The following SEC22A variants were observed in gnomAD, a reference collection of about 807,000 sequenced individuals.
The protein encoded by SEC22A is SEC22 homolog A, vesicle trafficking protein.
Under a neutral mutation model 35.3 loss-of-function variants are expected in SEC22A, and 22 were observed. The ratio of observed to expected loss-of-function variants is 0.62; its 90% confidence interval spans 0.45 to 0.89. The LOEUF is 0.89. SEC22A is among the 40% of genes least tolerant of loss of function. The pLI is 0.00. For missense variants in SEC22A, 354 were observed against 362.5 expected (o/e 0.98, Z 0.19); for synonymous variants, 119 against 129.5 (o/e 0.92, Z 0.55).
At position 123,274,126 on chromosome 3, in the gene SEC22A, A is replaced by G. The variant is rs1282073367; in HGVS notation, c.*2404A>G. The G allele has an allele frequency of 6.6e-6, 1 of 152,232 alleles. No individual in the cohort carries two copies. Among genetic ancestry groups the G allele is most frequent in the Non-Finnish European group, 1.5e-5 (1 of 68,040 alleles). The allele number at this position is 152,232 out of a possible 1,614,324, so 9.4% of individuals were successfully genotyped here. ...AAATGAAAACAGGTATAAATGTTTT[A>G]TGTATAGAAATGTTTTCTTTCATTA... On this transcript the variant is annotated 3_prime_UTR_variant, in exon 7 of 7. Transcript: ENST00000492595.
chr3:123,216,600 A>G (rs1238084516), intron 2 of SEC22A, among the ~76,000 whole-genome samples: 3 of 152,146 alleles, frequency 2.0e-5, no homozygotes, highest in African/African-American at 7.2e-5. Context: ...TTGGAGGGTA[A>G]TTGAAAGTTG....
In SEC22A at chr3:123,210,685, G is replaced by C. The variant is rs866828352; in HGVS notation, c.182+1286G>C. Among the ~76,000 whole-genome samples the C allele has an allele frequency of 3.3e-5, 5 of 152,174 alleles. No homozygotes were observed. In the South Asian group the frequency reaches 1.0e-3, roughly 32 times the overall value. On this transcript the variant is annotated intron_variant, in intron 2 of 6. Transcript: ENST00000492595. ...GGAAAGCTTAGACGTGAAACAATTA[G>C]AGAACAATTAATGTCTGATATCAAG... is the stretch of plus-strand genomic sequence containing the variant.
intron 5 of SEC22A, among the ~76,000 whole-genome samples, chr3:123,251,182 TAA>T (rs1419125013): frequency 6.6e-6 from 1 of 152,206 alleles, no homozygotes; most frequent in African/African-American, 2.4e-5. Context: ...CCTAGAAACT[TAA>T]AGAGATTTTT....
At chr3:123,221,127 G>A (rs1243053150) in intron 2 of SEC22A, among the ~76,000 whole-genome samples, 1 of 145,150 alleles carries the variant, frequency 6.9e-6, no homozygotes, top group Non-Finnish European at 1.5e-5. Flanking sequence ...TATGTTATTC[G>A]AGAAAGAAAA....
chr3:123,245,099 T>G (rs1937555712), intron 4 of SEC22A, among the ~76,000 whole-genome samples: 1 of 152,198 alleles, frequency 6.6e-6, no homozygotes, highest in Admixed American at 6.5e-5. Context: ...GAGTTCAGAT[T>G]GCTGATTATA....
In SEC22A at chr3:123,209,300, C is replaced by G; in HGVS notation, c.83C>G (p.Thr28Arg). The change falls in exon 2 of 7, where the codon ACA (threonine) becomes AGA (arginine). Residue 28 changes from threonine to arginine, a missense_variant. Physicochemically the swap from Thr to Arg is moderately conservative, Grantham distance 71. Coordinates refer to ENST00000492595, the MANE Select transcript of SEC22A (RefSeq NM_012430.5). Reference sequence around the variant, plus strand: ...GCTTCTACTGATTATGAACAAAGCACAGGAATGCAGGAGTGCAGAAAGTAT... The same window carrying G: ...GCTTCTACTGATTATGAACAAAGCAGAGGAATGCAGGAGTGCAGAAAGTAT... ...LSASTDYEQS[T>R]GMQECRKYFK... is the part of the protein sequence containing the mutation. The G allele has an allele frequency of 6.2e-7, 1 of 1,613,950 alleles. No individual in the cohort carries two copies. Among genetic ancestry groups the G allele is most frequent in the Non-Finnish European group, 8.5e-7 (1 of 1,179,888 alleles).
At chr3:123,225,770 G>T (rs1225912334) in intron 4 of SEC22A, among the ~76,000 whole-genome samples, 2 of 152,052 alleles carry the variant, frequency 1.3e-5, no homozygotes, top group Non-Finnish European at 2.9e-5. Flanking sequence ...CCCTATTGTG[G>T]TATCAAGTAC....
At chr3:123,267,758 CA>C (rs1938058299) in intron 6 of SEC22A, among the ~76,000 whole-genome samples, 1 of 152,126 alleles carries the variant, frequency 6.6e-6, no homozygotes, top group Non-Finnish European at 1.5e-5. Context: ...GATCTGCTAG[CA>C]GCAAATTATC....
At position 123,212,712 on chromosome 3, in the gene SEC22A, G is replaced by A. The variant is rs142049744; in HGVS notation, c.182+3313G>A. On this transcript the variant is annotated intron_variant, in intron 2 of 6. Coordinates refer to ENST00000492595, the MANE Select transcript of SEC22A (RefSeq NM_012430.5). ...GCTTATTCCACACAAAGGATTTGAG[G>A]CAATTTAGGAAAAAAAAAATTCAAG... Among the ~76,000 whole-genome samples the A allele has an allele frequency of 9.9e-4, 150 of 151,806 alleles. 1 individual carries two copies. The highest frequency in any genetic ancestry group is 1.8e-3 in the Non-Finnish European group (120 of 67,968).
At chr3:123,224,666 C>G (rs1353201976) in intron 3 of SEC22A, among the ~76,000 whole-genome samples, 1 of 152,104 alleles carries the variant, frequency 6.6e-6, no homozygotes, top group Admixed American at 6.5e-5. Flanking sequence ...TGGCTCACAC[C>G]AGTAGCCCCA....
rs761265069 is a variant in SEC22A, at chr3:123,223,614, A to C, written c.238A>C (p.Asn80His). Residue 80 changes from asparagine to histidine, a missense_variant, in exon 3 of 7, where the codon AAT (asparagine) becomes CAT (histidine). Asn to His is a moderately conservative substitution (Grantham distance 68, BLOSUM62 1). Transcript: ENST00000492595. ...GATGTTGTGCACTGAAAATTACCCA[A>C]ATGTTCTCGCCTTCTCTTTCCTGGA... ...YMMLCTENYP[N>H]VLAFSFLDEL... The C allele has an allele frequency of 2.5e-6, 4 of 1,613,526 alleles. No homozygotes were observed. Among genetic ancestry groups the C allele is most frequent in the African/African-American group, 2.7e-5 (2 of 74,876 alleles).
intron 5 of SEC22A, among the ~76,000 whole-genome samples, chr3:123,256,095 A>G (rs1937724166): frequency 6.6e-6 from 1 of 152,190 alleles, no homozygotes; most frequent in Non-Finnish European, 1.5e-5. Context: ...CCTAATAGAA[A>G]ATCTGTATTC....
At chr3:123,239,846 G>T (rs988897008) in intron 4 of SEC22A, among the ~76,000 whole-genome samples, 5 of 152,102 alleles carry the variant, frequency 3.3e-5, no homozygotes, top group Non-Finnish European at 5.9e-5. Context: ...GATCCCATTT[G>T]TCAATTTTGG....
At chr3:123,234,977 C>A (rs1163139552) in intron 4 of SEC22A, among the ~76,000 whole-genome samples, 1 of 150,890 alleles carries the variant, frequency 6.6e-6, no homozygotes, top group East Asian at 2.0e-4. Flanking sequence ...GAGCTGAGAT[C>A]GTGCCACTGC....
At chr3:123,263,925 CT>C (rs200151212) in intron 6 of SEC22A, among the ~76,000 whole-genome samples, 301 of 136,316 alleles carry the variant, frequency 2.2e-3, no homozygotes, top group Middle Eastern at 4.4e-3. Flanking sequence ...TGATTTGTTC[CT>C]TTTTTTTTTT....
At chr3:123,216,039 T>C (rs1937016229) in intron 2 of SEC22A, among the ~76,000 whole-genome samples, 1 of 152,208 alleles carries the variant, frequency 6.6e-6, no homozygotes, top group Non-Finnish European at 1.5e-5. Flanking sequence ...TATTCAATTT[T>C]CCTATTTTGT....
chr3:123,228,549 TG>T (rs1307072919), intron 4 of SEC22A, among the ~76,000 whole-genome samples: 1 of 139,672 alleles, frequency 7.2e-6, no homozygotes, highest in Non-Finnish European at 1.5e-5. Flanking sequence ...CACTCTAGCC[TG>T]GGCAACGAGA....
intron 4 of SEC22A, among the ~76,000 whole-genome samples, chr3:123,225,832 C>T: frequency 6.6e-6 from 1 of 152,162 alleles, no homozygotes; most frequent in Non-Finnish European, 1.5e-5. Context: ...AACCATCACC[C>T]TTTCTCCCAC....
At chr3:123,207,441 G>A (rs983396562) in intron 1 of SEC22A, among the ~76,000 whole-genome samples, 2 of 152,112 alleles carry the variant, frequency 1.3e-5, no homozygotes, top group African/African-American at 4.8e-5. Flanking sequence ...TTGGAAAAAT[G>A]CCTGTGAGAT....
Sources: allele counts gnomAD v4.1 joint callset (sites outside exome capture counted in the v4.1 genomes callset), GRCh38; gene constraint gnomAD v4.1.1; transcripts MANE v1.5; gene names NCBI Gene and HGNC (gene_info 2026-07-23, HGNC 2026-07-21).